The following ROBO2 variants were observed in gnomAD, a reference collection of about 807,000 sequenced individuals.
ROBO2 encodes roundabout homolog 2.
Under a neutral mutation model 160.8 loss-of-function variants are expected in ROBO2, and 53 were observed. The observed-to-expected ratio is 0.33, with a 90% confidence interval of 0.26 to 0.41. The LOEUF (loss-of-function observed/expected upper bound fraction) is 0.41. ROBO2 is among the 10% of genes least tolerant of loss of function. The pLI, the probability that ROBO2 is intolerant of heterozygous loss-of-function variation, is 1.00. For missense variants in ROBO2, 1,577 were observed against 1,722.4 expected (o/e 0.92, Z 1.49); for synonymous variants, 664 against 611.7 (o/e 1.09, Z -1.26).
chr3:76,008,235 A>C lies in ROBO2; in HGVS notation c.109+70633A>C, dbSNP rs889108047. Among the ~76,000 whole-genome samples, 192 of 20,236 alleles carry C rather than the reference A, an allele frequency of 9.5e-3. 1 individual carries two copies. The highest frequency in any genetic ancestry group is 0.027 in the Non-Finnish European group (143 of 5,250). The allele number at this position is 20,236 out of a possible 152,430, so 13.3% of individuals were successfully genotyped here. A position where few individuals can be genotyped will look rare whatever the true frequency, so the allele number is the denominator to read the frequency against. On this transcript the variant is annotated intron_variant, in intron 2 of 26. Transcript: ENST00000487694. ...GAGTGACAGAGCAAGACTCTGTCAA[A>C]AAAAAAAAAAAAAAAAAAAGAAAAG...
intron 2 of ROBO2, among the ~76,000 whole-genome samples, chr3:76,007,966 G>A (rs371725831): frequency 6.6e-6 from 1 of 151,910 alleles, no homozygotes; most frequent in Non-Finnish European, 1.5e-5. Context: ...AAATAAGTCT[G>A]GGCACGGTGC....
intron 2 of ROBO2, among the ~76,000 whole-genome samples, chr3:76,684,525 A>G (rs1447340708): frequency 1.3e-5 from 2 of 152,120 alleles, no homozygotes; most frequent in Non-Finnish European, 2.9e-5. Flanking sequence ...TAATTTGCCC[A>G]TTACTTAGTT....
At chr3:76,230,087 G>A (rs1218741722) in intron 2 of ROBO2, among the ~76,000 whole-genome samples, 1 of 152,032 alleles carries the variant, frequency 6.6e-6, no homozygotes, top group Non-Finnish European at 1.5e-5. Flanking sequence ...AAAAAATGAT[G>A]CCATCAGGTG....
intron 2 of ROBO2, among the ~76,000 whole-genome samples, chr3:76,110,806 G>C (rs1321880190): frequency 6.6e-6 from 1 of 152,078 alleles, no homozygotes; most frequent in Non-Finnish European, 1.5e-5. Flanking sequence ...CAATTAATTA[G>C]TTTGTAAAAC....
chr3:77,479,123 G>A (rs983114995), intron 3 of ROBO2, among the ~76,000 whole-genome samples: 5 of 152,150 alleles, frequency 3.3e-5, no homozygotes, highest in African/African-American at 4.8e-5. Context: ...AGATAAGTGG[G>A]CCCAACAAAT....
At chr3:77,358,806 T>A (rs952193339) in intron 2 of ROBO2, among the ~76,000 whole-genome samples, 1 of 152,196 alleles carries the variant, frequency 6.6e-6, no homozygotes, top group African/African-American at 2.4e-5. Context: ...GTATTAAGTT[T>A]CCTCCAATTC....
At chr3:77,416,399 G>A (rs190250096) in intron 2 of ROBO2, among the ~76,000 whole-genome samples, 118 of 152,242 alleles carry the variant, frequency 7.8e-4, no homozygotes, top group Admixed American at 2.9e-3. Context: ...GATTTCACCA[G>A]AGACCTGTCC....
chr3:76,103,750 G>A (rs1191033362), intron 2 of ROBO2, among the ~76,000 whole-genome samples: 2 of 152,152 alleles, frequency 1.3e-5, no homozygotes, highest in East Asian at 3.8e-4. Context: ...TCAAATCTAC[G>A]CAGGTGTTGT....
chr3:76,658,051 A>G (rs559092587), intron 2 of ROBO2, among the ~76,000 whole-genome samples: 25 of 144,264 alleles, frequency 1.7e-4, no homozygotes, highest in Admixed American at 9.6e-4. Context: ...TGGGTGACAG[A>G]GCGAGATCCT....
At chr3:77,422,267 C>T (rs889232314) in intron 2 of ROBO2, among the ~76,000 whole-genome samples, 1 of 152,140 alleles carries the variant, frequency 6.6e-6, no homozygotes, top group Non-Finnish European at 1.5e-5. Context: ...ACATTTTATG[C>T]CTTTCATTTC....
intron 2 of ROBO2, among the ~76,000 whole-genome samples, chr3:77,332,661 AG>A (rs1199509918): frequency 2.6e-5 from 4 of 152,230 alleles, no homozygotes; most frequent in Admixed American, 2.0e-4. Context: ...AGTACATAAA[AG>A]TTACATAATA....
At chr3:76,124,590 T>C (rs1479682184) in intron 2 of ROBO2, among the ~76,000 whole-genome samples, 2 of 152,080 alleles carry the variant, frequency 1.3e-5, no homozygotes. Context: ...TTTTTTTCAT[T>C]TCTGTGAGCC....
In ROBO2 at chr3:76,770,897, C is replaced by T. The variant is rs140789580; in HGVS notation, c.110-327117C>T. On this transcript the variant is annotated intron_variant, in intron 2 of 26. Coordinates refer to the ROBO2 transcript ENST00000487694. ...CTGATAAAAGAAGGATGCTCCGATACTTCCTTCAGCTGCTCTTCCAGACCT... is the reference window on the plus strand; with the variant it reads ...CTGATAAAAGAAGGATGCTCCGATATTTCCTTCAGCTGCTCTTCCAGACCT... 8.5e-3 allele frequency among the ~76,000 whole-genome samples: 1,288 copies of T among 151,308 alleles called. 11 individuals carry two copies. The highest frequency in any genetic ancestry group is 0.03 in the African/African-American group (1,225 of 41,386).
At chr3:77,449,609 C>G (rs779038839) in intron 2 of ROBO2, among the ~76,000 whole-genome samples, 1 of 152,062 alleles carries the variant, frequency 6.6e-6, no homozygotes, top group Admixed American at 6.6e-5. Context: ...ATAAAACCAA[C>G]AATTTTATGC....
At chr3:76,585,922 G>A (rs1157113093) in intron 2 of ROBO2, among the ~76,000 whole-genome samples, 1 of 152,114 alleles carries the variant, frequency 6.6e-6, no homozygotes, top group Admixed American at 6.5e-5. Context: ...ATTATATTAA[G>A]TTGTCCTCTG....
chr3:77,579,921 G>A (rs765338827), intron 15 of ROBO2, 26 bp from the exon 17 acceptor site: 2 of 1,599,522 alleles, frequency 1.3e-6, no homozygotes, highest in East Asian at 2.2e-5. Context: ...TTATATCCAT[G>A]TGTTATTCAC....
At chr3:77,061,791 G>C (rs187257663) in intron 1 of ROBO2, among the ~76,000 whole-genome samples, 1 of 152,054 alleles carries the variant, frequency 6.6e-6, no homozygotes, top group Non-Finnish European at 1.5e-5. Flanking sequence ...CTGAGTTCCG[G>C]GTGGAACCAA....
rs139560556 is a variant in ROBO2, at chr3:76,301,393, A to G, written c.109+363791A>G. Among the ~76,000 whole-genome samples, 66 of 152,214 alleles carry G rather than the reference A, an allele frequency of 4.3e-4. No individual in the cohort carries two copies. In the East Asian group the frequency reaches 0.01, roughly 23 times the overall value. ...AGTTGAGATGAAGAATAGGCTTTCAAAAAAAACTGAGAATTATATAACTTG... is the reference window on the plus strand; with the variant it reads ...AGTTGAGATGAAGAATAGGCTTTCAGAAAAAACTGAGAATTATATAACTTG... On this transcript the variant is annotated intron_variant, in intron 2 of 26. Coordinates refer to the ROBO2 transcript ENST00000487694.
At chr3:76,190,298 A>G (rs895356934) in intron 2 of ROBO2, among the ~76,000 whole-genome samples, 3 of 152,122 alleles carry the variant, frequency 2.0e-5, no homozygotes, top group African/African-American at 7.2e-5. Context: ...CCTCCCGAAG[A>G]GGTGTGTGGC....
Sources: allele counts gnomAD v4.1 joint callset (sites outside exome capture counted in the v4.1 genomes callset), GRCh38; gene constraint gnomAD v4.1.1; transcripts MANE v1.5; gene names NCBI Gene and HGNC (gene_info 2026-07-23, HGNC 2026-07-21).